The following CDIN1 variants were observed in gnomAD, a reference collection of about 807,000 sequenced individuals.
CDIN1 encodes CDAN1 interacting nuclease 1, also known as CDAN1-interacting nuclease 1.
Under a neutral mutation model 45.3 loss-of-function variants are expected in CDIN1, and 33 were observed. The observed-to-expected ratio is 0.73, with a 90% CI of 0.55 to 0.97. The LOEUF (loss-of-function observed/expected upper bound fraction) is 0.97, where lower values mean the gene tolerates loss of function less well. Among genes scored for constraint, CDIN1 ranks in the 50% least tolerant of loss-of-function variants. The pLI, the probability that CDIN1 is intolerant of heterozygous loss-of-function variation, is 0.00. For missense variants in CDIN1, 303 were observed against 339.4 expected, an observed-to-expected ratio of 0.89 and a Z score of 0.84; for synonymous variants, 118 against 124.4, an observed-to-expected ratio of 0.95 and a Z score of 0.34.
At chr15:36,740,121 G>C (rs896750922) in intron 10 of CDIN1, among the ~76,000 whole-genome samples, 1 of 152,126 alleles carries the variant, frequency 6.6e-6, no homozygotes, top group South Asian at 2.1e-4. Context: ...GAATATTAAC[G>C]GCTCTGAGAA....
chr15:36,761,273 A>G (rs898907925), intron 10 of CDIN1, among the ~76,000 whole-genome samples: 1 of 152,120 alleles, frequency 6.6e-6, no homozygotes, highest in African/African-American at 2.4e-5. Context: ...TGCCTTTGTT[A>G]TAGCTGTCAC....
chr15:36,651,616 A>C (rs6495861), intron 3 of CDIN1, among the ~76,000 whole-genome samples: 145,201 of 152,100 alleles, frequency 0.95, 69,314 homozygotes, highest in East Asian at 1. Flanking sequence ...AAAACAAATA[A>C]ATTTAGAGCA....
chr15:36,708,456 GGATTTT>G (rs1269185595), intron 8 of CDIN1: 1 of 84,638 alleles, frequency 1.2e-5, no homozygotes, highest in Non-Finnish European at 2.2e-5. Flanking sequence ...AAATATTGGT[GGATTTT>G]TTTTTTTTTT....
At chr15:36,703,350 A>AT (rs1491409839) in intron 8 of CDIN1, among the ~76,000 whole-genome samples, 2 of 83,906 alleles carry the variant, frequency 2.4e-5, no homozygotes, top group African/African-American at 1.1e-4. Flanking sequence ...TCAGATATAT[A>AT]CATATATCAG....
intron 5 of CDIN1, among the ~76,000 whole-genome samples, chr15:36,681,149 CAT>C (rs146524837): frequency 5.3e-5 from 8 of 151,674 alleles, no homozygotes; most frequent in African/African-American, 9.7e-5. Context: ...TATATATTTG[CAT>C]ATATATATAA....
At chr15:36,797,873 A>G (rs916668987) in intron 10 of CDIN1, among the ~76,000 whole-genome samples, 4 of 151,572 alleles carry the variant, frequency 2.6e-5, no homozygotes, top group Admixed American at 6.6e-5. Context: ...CCAGCTCCTC[A>G]GGAGACTGAG....
chr15:36,650,787 C>T (rs889906921), intron 3 of CDIN1, among the ~76,000 whole-genome samples: 5 of 152,112 alleles, frequency 3.3e-5, no homozygotes, highest in Non-Finnish European at 7.4e-5. Flanking sequence ...TTTCTGTTAA[C>T]CATGATGAAA....
At chr15:36,630,940 A>T (rs1206263736) in intron 1 of CDIN1, among the ~76,000 whole-genome samples, 1 of 152,206 alleles carries the variant, frequency 6.6e-6, no homozygotes, top group Non-Finnish European at 1.5e-5. Flanking sequence ...CTTATGAGGG[A>T]TCTGCCTCCA....
rs376173330 is a variant in CDIN1 at position 36,720,872 on chromosome 15, G to A, written c.716+10911G>A. On this transcript the variant is annotated intron_variant, in intron 10 of 10. Coordinates refer to ENST00000566621, the MANE Select transcript of CDIN1 (RefSeq NM_001321759.2). ...CGCCATACTGTCTTCCACAATGGTT[G>A]AACTAATTTACACTTCCACCAACAG... Among the ~76,000 whole-genome samples, 16 of 152,278 alleles carry A rather than the reference G, an allele frequency of 1.1e-4. No individual in the cohort carries two copies. The East Asian group carries it at 2.7e-3, about 26-fold the overall frequency.
chr15:36,748,069 T>A (rs1039383440), intron 10 of CDIN1, among the ~76,000 whole-genome samples: 1 of 152,192 alleles, frequency 6.6e-6, no homozygotes, highest in Non-Finnish European at 1.5e-5. Flanking sequence ...GAAATAACTT[T>A]GGTTCTCATT....
intron 5 of CDIN1, among the ~76,000 whole-genome samples, chr15:36,676,461 G>C: frequency 6.6e-6 from 1 of 152,204 alleles, no homozygotes; most frequent in Non-Finnish European, 1.5e-5. Flanking sequence ...CAGGCTACCA[G>C]AGGGAATTAT....
chr15:36,633,443 A>G (rs1451340755), intron 1 of CDIN1, among the ~76,000 whole-genome samples: 4 of 152,074 alleles, frequency 2.6e-5, no homozygotes, highest in Admixed American at 2.0e-4. Context: ...AGGGCATTAT[A>G]TTTTGCTGTT....
intron 5 of CDIN1, among the ~76,000 whole-genome samples, chr15:36,667,060 A>C (rs1242919696): frequency 6.6e-6 from 1 of 152,216 alleles, no homozygotes; most frequent in African/African-American, 2.4e-5. Context: ...TGTGCTCCTC[A>C]CAATTATGCT....
intron 1 of CDIN1, among the ~76,000 whole-genome samples, chr15:36,611,145 G>C (rs74008672): frequency 0.046 from 7,065 of 152,212 alleles, 405 homozygotes; most frequent in African/African-American, 0.13. Flanking sequence ...GGAGGCCTTA[G>C]CACTTCTTGG....
At chr15:36,697,959 C>A (rs2045014) in intron 8 of CDIN1, among the ~76,000 whole-genome samples, 13,197 of 152,118 alleles carry the variant, frequency 0.087, 685 homozygotes, top group Non-Finnish European at 0.12. Flanking sequence ...CCTCAAAGGA[C>A]TATACATATA....
chr15:36,724,259 A>G (rs1437777497), intron 10 of CDIN1, among the ~76,000 whole-genome samples: 2 of 152,186 alleles, frequency 1.3e-5, no homozygotes, highest in Non-Finnish European at 2.9e-5. Context: ...AGTCATCCAT[A>G]TTGAAATAAT....
At chr15:36,759,064 T>C (rs891763682) in intron 10 of CDIN1, among the ~76,000 whole-genome samples, 1 of 152,138 alleles carries the variant, frequency 6.6e-6, no homozygotes, top group Non-Finnish European at 1.5e-5. Flanking sequence ...TCAGTGGTTT[T>C]TGAGTTGCCT....
intron 1 of CDIN1, among the ~76,000 whole-genome samples, chr15:36,604,385 A>G (rs1202240491): frequency 6.8e-6 from 1 of 146,336 alleles, no homozygotes; most frequent in Non-Finnish European, 1.5e-5. Flanking sequence ...AAAATTATCA[A>G]TTCCATAATG....
At chr15:36,650,089 G>T (rs912451721) in intron 3 of CDIN1, among the ~76,000 whole-genome samples, 1 of 152,096 alleles carries the variant, frequency 6.6e-6, no homozygotes, top group African/African-American at 2.4e-5. Context: ...ATCTTCTAAC[G>T]CTGCTAAAGC....
Sources: gnomAD v4.1 joint callset for allele counts (sites outside exome capture counted in the v4.1 genomes callset) on GRCh38, gnomAD v4.1.1 for gene constraint, MANE v1.5 for transcripts, NCBI Gene and HGNC (gene_info 2026-07-23, HGNC 2026-07-21) for gene names.